The following FAF1 variants were observed in gnomAD, a reference collection of about 807,000 sequenced individuals.
The protein encoded by FAF1 is Fas associated factor 1.
Under a neutral mutation model 92.5 loss-of-function variants are expected in FAF1, and 25 were observed. That is an observed-to-expected ratio of 0.27 (90% confidence interval 0.20 to 0.38). The LOEUF (loss-of-function observed/expected upper bound fraction) is 0.38, where lower values mean the gene tolerates loss of function less well. Among genes scored for constraint, FAF1 ranks in the 10% least tolerant of loss-of-function variants. FAF1 has a pLI of 1.00. For synonymous variants in FAF1, 234 were observed against 273.2 expected (o/e 0.86, Z 1.42); for missense variants, 636 against 793.3 (o/e 0.80, Z 2.38).
chr1:50,550,115 G>A (rs1480153352), intron 13 of FAF1, among the ~76,000 whole-genome samples: 1 of 151,970 alleles, frequency 6.6e-6, no homozygotes, highest in Non-Finnish European at 1.5e-5. Flanking sequence ...ACTTTGGGAG[G>A]CCAAGGCAGG....
intron 1 of FAF1, among the ~76,000 whole-genome samples, chr1:50,881,579 T>C (rs868241975): frequency 2.6e-5 from 4 of 152,172 alleles, no homozygotes; most frequent in African/African-American, 7.2e-5. Context: ...ATACAGAGGA[T>C]ACTGGGGATT....
At chr1:50,604,580 C>A (rs536677650) in intron 8 of FAF1, among the ~76,000 whole-genome samples, 1 of 152,064 alleles carries the variant, frequency 6.6e-6, no homozygotes, top group Non-Finnish European at 1.5e-5. Flanking sequence ...CAATCACGGC[C>A]GACTGCCACC....
At chr1:50,491,642 G>T in intron 16 of FAF1, 79 bp downstream of exon 16, 2 of 965,692 alleles carry the variant, frequency 2.1e-6, no homozygotes, top group Admixed American at 2.3e-5. Context: ...AGTATTTTTA[G>T]GGATCAAAGT....
At chr1:50,447,472 CTTA>C (rs1646243289) in intron 18 of FAF1, among the ~76,000 whole-genome samples, 1 of 152,214 alleles carries the variant, frequency 6.6e-6, no homozygotes. Flanking sequence ...GTTCCAGCAT[CTTA>C]AAGGCAGAAA....
intron 2 of FAF1, among the ~76,000 whole-genome samples, chr1:50,831,974 G>A (rs1385568935): frequency 2.6e-5 from 4 of 151,962 alleles, no homozygotes; most frequent in African/African-American, 4.8e-5. Flanking sequence ...CTGTGCATGC[G>A]AGGGATCTAG....
intron 1 of FAF1, among the ~76,000 whole-genome samples, chr1:50,948,476 CCAGA>C (rs1387084420): frequency 1.3e-5 from 2 of 152,020 alleles, no homozygotes; most frequent in Non-Finnish European, 2.9e-5. Flanking sequence ...AGAGAGGGAG[CCAGA>C]CAGAGAGAAA....
intron 8 of FAF1, among the ~76,000 whole-genome samples, chr1:50,653,590 G>A (rs1654963281): frequency 6.6e-6 from 1 of 152,138 alleles, no homozygotes; most frequent in Non-Finnish European, 1.5e-5. Context: ...CCTCGGCCAG[G>A]CACGGTGGCT....
At chr1:50,838,729 G>A (rs1644232506) in intron 2 of FAF1, among the ~76,000 whole-genome samples, 1 of 151,858 alleles carries the variant, frequency 6.6e-6, no homozygotes, top group African/African-American at 2.4e-5. Flanking sequence ...GAAATAACAT[G>A]CAGAGGATTT....
intron 1 of FAF1, among the ~76,000 whole-genome samples, chr1:50,873,151 G>A (rs1182380276): frequency 6.6e-6 from 1 of 152,080 alleles, no homozygotes; most frequent in African/African-American, 2.4e-5. Context: ...TAACAATAAA[G>A]TGTTTTAAAA....
At chr1:50,476,804 C>A (rs1342073939) in intron 17 of FAF1, among the ~76,000 whole-genome samples, 8 of 150,722 alleles carry the variant, frequency 5.3e-5, no homozygotes, top group East Asian at 2.0e-4. Flanking sequence ...TGAAAAAAAA[C>A]CAATAAAATA....
intron 1 of FAF1, among the ~76,000 whole-genome samples, chr1:50,900,270 T>A (rs1644785978): frequency 6.6e-6 from 1 of 152,236 alleles, no homozygotes; most frequent in Non-Finnish European, 1.5e-5. Context: ...AAAAGCTTCA[T>A]TTCACATAAA....
intron 13 of FAF1, among the ~76,000 whole-genome samples, chr1:50,565,750 A>G (rs1391471989): frequency 6.6e-6 from 1 of 152,110 alleles, no homozygotes; most frequent in Non-Finnish European, 1.5e-5. Flanking sequence ...TGGAGGATAG[A>G]ACAAAATAAC....
intron 1 of FAF1, among the ~76,000 whole-genome samples, chr1:50,915,141 C>T (rs1449850734): frequency 2.0e-5 from 3 of 152,082 alleles, no homozygotes; most frequent in East Asian, 3.9e-4. Context: ...AAGGCTGAGG[C>T]GGACAGATCA....
chr1:50,597,182 G>A (rs1651862227), intron 8 of FAF1, among the ~76,000 whole-genome samples: 1 of 152,160 alleles, frequency 6.6e-6, no homozygotes, highest in Admixed American at 6.5e-5. Context: ...ACTAGTCTGT[G>A]AAGAATATCT....
intron 2 of FAF1, among the ~76,000 whole-genome samples, chr1:50,837,617 T>A (rs762432205): frequency 1.3e-5 from 2 of 152,150 alleles, no homozygotes; most frequent in Non-Finnish European, 2.9e-5. Flanking sequence ...AAGACAACAA[T>A]TGAAGGATAA....
At chr1:50,904,880 CTT>C (rs879719866) in intron 1 of FAF1, among the ~76,000 whole-genome samples, 1 of 147,330 alleles carries the variant, frequency 6.8e-6, no homozygotes, top group Non-Finnish European at 1.5e-5. Context: ...TATTTTTTTC[CTT>C]TTTTTTTTCC....
At chr1:50,824,704 A>T (rs1307499940) in intron 2 of FAF1, among the ~76,000 whole-genome samples, 1 of 152,178 alleles carries the variant, frequency 6.6e-6, no homozygotes, top group Non-Finnish European at 1.5e-5. Context: ...CTAAATGCCT[A>T]TCAGTGGATG....
At chr1:50,580,695 A>T (rs1256842796) in intron 12 of FAF1, among the ~76,000 whole-genome samples, 1 of 152,222 alleles carries the variant, frequency 6.6e-6, no homozygotes, top group Non-Finnish European at 1.5e-5. Context: ...TGGTCAACTA[A>T]ACATACAATA....
At chr1:50,867,966 G>A (rs1557566381) in intron 1 of FAF1, among the ~76,000 whole-genome samples, 3 of 151,992 alleles carry the variant, frequency 2.0e-5, no homozygotes, top group Non-Finnish European at 4.4e-5. Flanking sequence ...AGAAAGTGTG[G>A]TATATATATC....
Sources: gnomAD v4.1 joint callset for allele counts (sites outside exome capture counted in the v4.1 genomes callset) on GRCh38, gnomAD v4.1.1 for gene constraint, MANE v1.5 for transcripts, NCBI Gene and HGNC (gene_info 2026-07-23, HGNC 2026-07-21) for gene names.